FHIT: variants seen among roughly 807,000 people sequenced by gnomAD.
FHIT encodes the protein bis(5'-adenosyl)-triphosphatase.
Under a neutral mutation model 17.9 loss-of-function variants are expected in FHIT, and 19 were observed. The ratio of observed to expected loss-of-function variants is 1.06; its 90% CI spans 0.74 to 1.56. FHIT has a LOEUF of 1.56. Among genes scored for constraint, FHIT ranks in the 40% most tolerant of loss-of-function variants. The pLI is 0.00. For synonymous variants in FHIT, 81 were observed against 69.7 expected, an observed-to-expected ratio of 1.16 and a Z score of -0.81; for missense variants, 248 against 189.2, an observed-to-expected ratio of 1.31 and a Z score of -1.82.
At chr3:61,055,130 C>T (rs2034173067) in intron 2 of FHIT, among the ~76,000 whole-genome samples, 1 of 151,918 alleles carries the variant, frequency 6.6e-6, no homozygotes, top group Non-Finnish European at 1.5e-5. Context: ...AAAAAGGCAT[C>T]TGTGATGCGT....
At chr3:60,850,429 T>C (rs1575596305) in intron 3 of FHIT, among the ~76,000 whole-genome samples, 1 of 150,530 alleles carries the variant, frequency 6.6e-6, no homozygotes, top group Non-Finnish European at 1.5e-5. Context: ...AGAGAGGCCT[T>C]CCCTGACTAT....
intron 4 of FHIT, among the ~76,000 whole-genome samples, chr3:60,787,437 G>T (rs1057424799): frequency 5.9e-5 from 9 of 152,162 alleles, no homozygotes; most frequent in Non-Finnish European, 1.0e-4. Context: ...CCTTCCACTA[G>T]AACAGGGATC....
chr3:60,130,784 G>GTGTGTGT (rs148356992), intron 5 of FHIT, among the ~76,000 whole-genome samples: 1,209 of 111,674 alleles, frequency 0.011, 15 homozygotes, highest in African/African-American at 0.027. Flanking sequence ...GTGTGTGTGT[G>GTGTGTGT]GTGTGTATAT....
intron 8 of FHIT, among the ~76,000 whole-genome samples, chr3:59,865,869 G>C (rs12635905): frequency 6.6e-6 from 1 of 152,220 alleles, no homozygotes. Context: ...CCTGAGGTTC[G>C]GCAGAGGCAG....
intron 2 of FHIT, among the ~76,000 whole-genome samples, chr3:61,143,561 T>C (rs1468640234): frequency 6.6e-6 from 1 of 152,086 alleles, no homozygotes; most frequent in Admixed American, 6.5e-5. Context: ...GTCAAGAAAA[T>C]TAATACCTAA....
intron 4 of FHIT, among the ~76,000 whole-genome samples, chr3:60,733,982 T>A (rs569722415): frequency 6.6e-6 from 1 of 152,310 alleles, no homozygotes; most frequent in African/African-American, 2.4e-5. Context: ...AACACTTAGG[T>A]GGACAGGCAA....
At chr3:59,970,577 C>T (rs3772473) in intron 7 of FHIT, among the ~76,000 whole-genome samples, 50,795 of 151,896 alleles carry the variant, frequency 0.33, 10,121 homozygotes, top group East Asian at 0.53. Flanking sequence ...GAGGGAACAG[C>T]CTTTTGGTGT....
At chr3:59,797,753 C>A (rs561573272) in intron 8 of FHIT, among the ~76,000 whole-genome samples, 2 of 152,178 alleles carry the variant, frequency 1.3e-5, no homozygotes, top group Non-Finnish European at 2.9e-5. Context: ...ATAATGTCAC[C>A]TTCATGGGGG....
intron 4 of FHIT, among the ~76,000 whole-genome samples, chr3:60,554,109 G>T (rs764225044): frequency 6.6e-6 from 1 of 151,814 alleles, no homozygotes; most frequent in Non-Finnish European, 1.5e-5. Flanking sequence ...GAAAAAAAAC[G>T]TATCAGGGAA....
intron 2 of FHIT, among the ~76,000 whole-genome samples, chr3:61,129,134 C>A (rs139679999): frequency 6.6e-6 from 1 of 152,280 alleles, no homozygotes; most frequent in East Asian, 1.9e-4. Flanking sequence ...TGACATCCCA[C>A]AATCAAAGTA....
chr3:60,055,830 C>T (rs1702059622), intron 5 of FHIT, among the ~76,000 whole-genome samples: 1 of 152,152 alleles, frequency 6.6e-6, no homozygotes, highest in Admixed American at 6.5e-5. Flanking sequence ...AGCTTACACT[C>T]ACTCCCCACT....
At chr3:60,143,410 G>A (rs1037009420) in intron 5 of FHIT, among the ~76,000 whole-genome samples, 1 of 152,034 alleles carries the variant, frequency 6.6e-6, no homozygotes, top group Non-Finnish European at 1.5e-5. Flanking sequence ...TTGCCTTGCT[G>A]CATCTCCACT....
chr3:60,518,087 C>G (rs2035226529), intron 5 of FHIT, among the ~76,000 whole-genome samples: 1 of 152,018 alleles, frequency 6.6e-6, no homozygotes, highest in Non-Finnish European at 1.5e-5. Flanking sequence ...AAAATACGCA[C>G]AAATATTTAA....
chr3:61,009,002 C>T (rs976184651), intron 3 of FHIT, among the ~76,000 whole-genome samples: 10 of 152,260 alleles, frequency 6.6e-5, no homozygotes, highest in Admixed American at 5.2e-4. Flanking sequence ...TATTTCCAAA[C>T]TCTGCTTTAT....
intron 8 of FHIT, among the ~76,000 whole-genome samples, chr3:59,913,247 A>T (rs1704969003): frequency 6.6e-6 from 1 of 152,062 alleles, no homozygotes; most frequent in Non-Finnish European, 1.5e-5. Context: ...TTGAACAGGG[A>T]TATGAAAACC....
At chr3:61,095,261 C>T (rs1373181148) in intron 2 of FHIT, among the ~76,000 whole-genome samples, 2 of 152,210 alleles carry the variant, frequency 1.3e-5, no homozygotes, top group African/African-American at 4.8e-5. Flanking sequence ...AGCTGTGAAT[C>T]TGGTCACAAA....
At chr3:61,037,588 A>T (rs2033318625) in intron 3 of FHIT, among the ~76,000 whole-genome samples, 1 of 152,234 alleles carries the variant, frequency 6.6e-6, no homozygotes, top group Admixed American at 6.5e-5. Flanking sequence ...AGTGCAACAG[A>T]GGTGGGTCCT....
chr3:59,890,251 A>G (rs1334167546), intron 8 of FHIT, among the ~76,000 whole-genome samples: 2 of 151,886 alleles, frequency 1.3e-5, no homozygotes, highest in African/African-American at 4.8e-5. Context: ...TGGGGACTCC[A>G]TGGTGGGAAT....
chr3:59,920,917 G>A (rs1353738446), intron 8 of FHIT, among the ~76,000 whole-genome samples: 1 of 152,136 alleles, frequency 6.6e-6, no homozygotes, highest in Non-Finnish European at 1.5e-5. Context: ...CCCAAAGGTA[G>A]TCATGCATCA....
Sources: allele counts gnomAD v4.1 joint callset (sites outside exome capture counted in the v4.1 genomes callset), GRCh38; gene constraint gnomAD v4.1.1; transcripts MANE v1.5; gene names NCBI Gene and HGNC (gene_info 2026-07-23, HGNC 2026-07-21).